RPH3A: variants seen among roughly 807,000 people sequenced by gnomAD.
The protein encoded by RPH3A is rabphilin-3A.
Under a neutral mutation model 102.2 loss-of-function variants are expected in RPH3A, and 48 were observed. The ratio of observed to expected loss-of-function variants is 0.47; its 90% CI spans 0.37 to 0.60. The LOEUF (loss-of-function observed/expected upper bound fraction) is 0.60. Ranked by LOEUF, RPH3A falls within the 20% of genes least tolerant of loss-of-function variation. RPH3A has a pLI of 0.00. For missense variants in RPH3A, 781 were observed against 910.1 expected, an observed-to-expected ratio of 0.86 and a Z score of 1.83; for synonymous variants, 310 against 324.3, an observed-to-expected ratio of 0.96 and a Z score of 0.47.
Position 112,897,311 on chromosome 12 carries a change from A to G in RPH3A, c.*531A>G, listed in dbSNP as rs576195081. 6.4e-6 allele frequency: 1 copy of G among 155,472 alleles called. No individual in the cohort carries two copies. The highest frequency in any genetic ancestry group is 2.4e-5 in the African/African-American group (1 of 41,484). 9.6% of individuals were successfully genotyped at this position (155,472 alleles called of 1,614,324 possible). A position where few individuals can be genotyped will look rare whatever the true frequency, so the allele number is the denominator to read the frequency against. The stretch of plus-strand genomic sequence containing the variant: ...CCCTGAGATGTACACCCTGATTGCC[A>G]GGAAAACAGACTGCTGTGTTCAGTA... On this transcript the variant is annotated 3_prime_UTR_variant, in exon 22 of 22. Transcript: ENST00000389385.
At position 112,715,783 on chromosome 12, in the gene RPH3A, G is replaced by A. The variant is rs1355010318; in HGVS notation, c.-139-76360G>A. 3.9e-5 allele frequency among the ~76,000 whole-genome samples: 6 copies of A among 152,190 alleles called. No individual in the cohort carries two copies. The East Asian group carries it at 7.7e-4, about 20-fold the overall frequency. On this transcript the variant is annotated intron_variant, in intron 1 of 21. Transcript: ENST00000543106. ...TGGATCTTTCCCAAGAAAGAATTCA[G>A]AGTAAGCCCATACAGTAAAGTGAAA...
At chr12:112,668,959 A>T (rs576716691) in intron 1 of RPH3A, among the ~76,000 whole-genome samples, 8 of 152,312 alleles carry the variant, frequency 5.3e-5, no homozygotes, top group South Asian at 2.1e-4. Context: ...TTACATGCAG[A>T]CATTTGTCTC....
chr12:112,772,443 C>T lies in RPH3A; in HGVS notation c.-139-19700C>T, dbSNP rs148257877. ...AAGTCGCTGCAATAATGGAAATGCC[C>T]ACTCCTTACCTTTCTAAGTGCCCCC... On this transcript the variant is annotated intron_variant, in intron 1 of 21. Coordinates refer to the RPH3A transcript ENST00000543106. 5.3e-5 allele frequency among the ~76,000 whole-genome samples: 8 copies of T among 152,290 alleles called. No individual in the cohort carries two copies. The East Asian group carries it at 1.5e-3, about 29-fold the overall frequency.
intron 1 of RPH3A, among the ~76,000 whole-genome samples, chr12:112,719,444 A>G (rs114986789): frequency 1.3e-5 from 2 of 152,312 alleles, no homozygotes; most frequent in African/African-American, 2.4e-5. Context: ...CCCCATGGTC[A>G]TTACTTGAAG....
At position 112,879,233 on chromosome 12, in the gene RPH3A, G is replaced by A. The variant is rs780737775; in HGVS notation, c.1251+35G>A. On this transcript the variant is annotated intron_variant, in intron 14 of 21. Coordinates refer to ENST00000389385, the MANE Select transcript of RPH3A (RefSeq NM_001143854.2). ...GGGGACCATGCAGGGAACCTCTCAGGATGCTCTGGCATGGCTAGGAGACTC... is the reference window on the plus strand; with the variant it reads ...GGGGACCATGCAGGGAACCTCTCAGAATGCTCTGGCATGGCTAGGAGACTC... 5.7e-6 allele frequency: 9 copies of A among 1,579,554 alleles called. No homozygotes were observed. The Admixed American group carries it at 6.7e-5, about 12-fold the overall frequency.
chr12:112,705,593 A>G (rs1431050609), intron 1 of RPH3A, among the ~76,000 whole-genome samples: 2 of 152,254 alleles, frequency 1.3e-5, no homozygotes, highest in Non-Finnish European at 1.5e-5. Flanking sequence ...AAAGTAGAAT[A>G]CAATTTCATG....
At chr12:112,748,896 T>C (rs1168286964) in intron 1 of RPH3A, among the ~76,000 whole-genome samples, 1 of 152,156 alleles carries the variant, frequency 6.6e-6, no homozygotes, top group East Asian at 1.9e-4. Context: ...TTTTTTTTAA[T>C]TATGCCAATT....
intron 1 of RPH3A, among the ~76,000 whole-genome samples, chr12:112,693,706 C>T (rs991081498): frequency 6.6e-6 from 1 of 152,170 alleles, no homozygotes; most frequent in Non-Finnish European, 1.5e-5. Flanking sequence ...CCAAGCCAAA[C>T]TTTCCTTCCC....
At chr12:112,865,860 G>A (rs1227611568) in intron 6 of RPH3A, among the ~76,000 whole-genome samples, 3 of 152,212 alleles carry the variant, frequency 2.0e-5, no homozygotes, top group Non-Finnish European at 2.9e-5. Flanking sequence ...ACCTTAGCAA[G>A]TTATGTGTCA....
chr12:112,871,023 G>A (rs1593109195), intron 10 of RPH3A, among the ~76,000 whole-genome samples: 1 of 152,320 alleles, frequency 6.6e-6, no homozygotes, highest in East Asian at 1.9e-4. Context: ...GAGAAACTGA[G>A]CCTCAGAGAG....
rs754983272 is a variant in RPH3A, at chr12:112,869,834, C to T, written c.649+37C>T. On this transcript the variant is annotated intron_variant, in intron 9 of 21. Transcript: ENST00000389385. ...TGACTCTGTTTTGTCATTTGAGACA[C>T]GAATTCACCTAATTCCCTCGATGCC... 74 of 1,614,000 alleles carry T rather than the reference C, an allele frequency of 4.6e-5. 1 individual carries two copies. Among genetic ancestry groups the T allele is most frequent in the South Asian group, 7.7e-5 (7 of 91,080 alleles).
At chr12:112,711,158 C>T (rs2040458455) in intron 1 of RPH3A, among the ~76,000 whole-genome samples, 1 of 152,188 alleles carries the variant, frequency 6.6e-6, no homozygotes, top group Non-Finnish European at 1.5e-5. Context: ...ATCTGAATCA[C>T]TCAAGGTGCT....
chr12:112,774,702 C>T (rs1051221233), intron 1 of RPH3A, among the ~76,000 whole-genome samples: 1 of 151,902 alleles, frequency 6.6e-6, no homozygotes, highest in African/African-American at 2.4e-5. Flanking sequence ...CACATGTTCT[C>T]ACTTAACAAG....
chr12:112,750,303 T>A (rs1215595652), intron 1 of RPH3A, among the ~76,000 whole-genome samples: 1 of 152,152 alleles, frequency 6.6e-6, no homozygotes, highest in East Asian at 1.9e-4. Context: ...ATTGGGAATG[T>A]GGTCCCAGGA....
intron 1 of RPH3A, among the ~76,000 whole-genome samples, chr12:112,734,646 A>G (rs1359788606): frequency 6.6e-6 from 1 of 152,236 alleles, no homozygotes; most frequent in Non-Finnish European, 1.5e-5. Context: ...TTATTTCTTG[A>G]TCATATGCTA....
chr12:112,577,165 T>C (rs1322446009), intron 1 of RPH3A, among the ~76,000 whole-genome samples: 1 of 152,210 alleles, frequency 6.6e-6, no homozygotes, highest in African/African-American at 2.4e-5. Flanking sequence ...GCAAGTTTTT[T>C]AAGAAAATAA....
intron 1 of RPH3A, among the ~76,000 whole-genome samples, chr12:112,701,215 G>A (rs899864847): frequency 6.6e-6 from 1 of 152,172 alleles, no homozygotes; most frequent in African/African-American, 2.4e-5. Flanking sequence ...GGAGTCGAGA[G>A]TATAGGTAGA....
chr12:112,895,550 G>C (rs2043166100), intron 20 of RPH3A: 1 of 453,710 alleles, frequency 2.2e-6, no homozygotes, highest in South Asian at 4.9e-5. Flanking sequence ...ATTTCAAGCA[G>C]AGAATTCACT....
At chr12:112,677,102 C>A (rs1238582630) in intron 1 of RPH3A, among the ~76,000 whole-genome samples, 5 of 152,192 alleles carry the variant, frequency 3.3e-5, no homozygotes, top group Admixed American at 1.3e-4. Context: ...GTGAAGAGCC[C>A]AAGAAGTTGA....
Sources: gnomAD v4.1 joint callset for allele counts (sites outside exome capture counted in the v4.1 genomes callset) on GRCh38, gnomAD v4.1.1 for gene constraint, MANE v1.5 for transcripts, NCBI Gene and HGNC (gene_info 2026-07-23, HGNC 2026-07-21) for gene names.